The following TYRP1 variants were observed in gnomAD, a reference collection of about 807,000 sequenced individuals.
TYRP1 encodes 5,6-dihydroxyindole-2-carboxylic acid oxidase.
Under a neutral mutation model 42.8 loss-of-function variants are expected in TYRP1, and 49 were observed. The observed-to-expected ratio is 1.14, with a 90% CI of 0.91 to 1.45. The LOEUF is 1.45. TYRP1 is among the 40% of genes most tolerant of loss of function. TYRP1 has a pLI of 0.00. For missense variants in TYRP1, 848 were observed against 662.0 expected (o/e 1.28, Z -3.08); for synonymous variants, 279 against 235.4 (o/e 1.19, Z -1.69).
At chr9:12,704,106 G>A (rs113318154) in intron 5 of TYRP1, among the ~76,000 whole-genome samples, 11 of 152,064 alleles carry the variant, frequency 7.2e-5, no homozygotes, top group Admixed American at 2.6e-4. Context: ...TAAGGTAGGA[G>A]GCTGAAGTAA....
intron 6 of TYRP1, among the ~76,000 whole-genome samples, chr9:12,705,064 T>C (rs890022965): frequency 1.3e-5 from 2 of 152,038 alleles, no homozygotes. Context: ...CTTATAGAGC[T>C]CTTCTTTGAT....
intron 6 of TYRP1, 58 bp downstream of exon 6, chr9:12,704,763 T>G (rs528913996): frequency 1.8e-5 from 27 of 1,532,688 alleles, no homozygotes; most frequent in Middle Eastern, 1.7e-4. Context: ...TTAGATGGCA[T>G]AGTTATCAGT....
intron 5 of TYRP1, 126 bp from the exon 6 acceptor site, chr9:12,704,400 A>C (rs995710454): frequency 3.5e-5 from 33 of 948,744 alleles, no homozygotes; most frequent in Non-Finnish European, 5.0e-5. Flanking sequence ...CAGTGCTGTT[A>C]TATTAAGGCA....
At chr9:12,698,386 G>A (rs1818110844) in intron 3 of TYRP1, 65 bp from the exon 4 acceptor site, 9 of 1,480,170 alleles carry the variant, frequency 6.1e-6, no homozygotes, top group Non-Finnish European at 8.5e-6. Context: ...TCAGAGAGTA[G>A]ACCAAACAGA....
At chr9:12,694,655 T>C (rs1383938028) in intron 2 of TYRP1, among the ~76,000 whole-genome samples, 1 of 152,210 alleles carries the variant, frequency 6.6e-6, no homozygotes, top group Non-Finnish European at 1.5e-5. Context: ...TTATGACTAG[T>C]CAATTCAGTA....
rs1818047269 is a variant in TYRP1 at position 12,694,584 on chromosome 9, C to T, written c.385+203C>T. 1.1e-5 allele frequency: 7 copies of T among 640,520 alleles called. No individual in the cohort carries two copies. In the Admixed American group the frequency reaches 2.0e-4, roughly 19 times the overall value. 39.7% of individuals were successfully genotyped at this position (640,520 alleles called of 1,614,324 possible). A position where few individuals can be genotyped will look rare whatever the true frequency, so the allele number is the denominator to read the frequency against. On this transcript the variant is annotated intron_variant, in intron 2 of 7. Coordinates refer to ENST00000388918, the MANE Select transcript of TYRP1 (RefSeq NM_000550.3). ...GGAGTTGAAGCTCAGAACTTCTGAT[C>T]AATATTTTATTCTGAAACATTTATT...
intron 4 of TYRP1, among the ~76,000 whole-genome samples, chr9:12,698,898 A>G (rs1168844721): frequency 2.6e-5 from 4 of 152,136 alleles, no homozygotes; most frequent in Admixed American, 2.0e-4. Context: ...AGTTTGGTCA[A>G]TATCTTGCTA....
intron 2 of TYRP1, 72 bp from the exon 3 acceptor site, chr9:12,695,443 G>A (rs1409222731): frequency 9.6e-5 from 134 of 1,390,384 alleles, no homozygotes; most frequent in Non-Finnish European, 1.3e-4. Flanking sequence ...TGTGTTACAA[G>A]ATGATTATGC....
chr9:12,695,935 T>TC, intron 3 of TYRP1, 98 bp downstream of exon 3: 2 of 1,379,446 alleles, frequency 1.4e-6, no homozygotes, highest in Non-Finnish European at 2.0e-6. Context: ...ATCAGAACAT[T>TC]TGATGAAAAA....
chr9:12,709,460 G>A lies in TYRP1; in HGVS notation c.*278G>A. On this transcript the variant is annotated 3_prime_UTR_variant, in exon 8 of 8. Transcript: ENST00000388918. ...AGATCTTTGGCATGATTTAAAGGTTGAGTATGTGAAGATATAAGTAAGTGA... is the reference window on the plus strand; with the variant it reads ...AGATCTTTGGCATGATTTAAAGGTTAAGTATGTGAAGATATAAGTAAGTGA... 2 of 369,124 alleles carry A rather than the reference G, an allele frequency of 5.4e-6. No individual in the cohort carries two copies. Among genetic ancestry groups the A allele is most frequent in the South Asian group, 2.4e-5 (1 of 41,342 alleles). The allele number at this position is 369,124 out of a possible 1,614,324, so 22.9% of individuals were successfully genotyped here. A position where few individuals can be genotyped will look rare whatever the true frequency, so the allele number is the denominator to read the frequency against.
intron 5 of TYRP1, among the ~76,000 whole-genome samples, chr9:12,702,648 GCC>G (rs1484554204): frequency 8.4e-4 from 128 of 152,116 alleles, no homozygotes; most frequent in African/African-American, 2.8e-3. Flanking sequence ...TATAGGTGAA[GCC>G]CTTGGAAATC....
chr9:12,693,549 A>G lies in TYRP1; in HGVS notation c.-86+71A>G, dbSNP rs557902110. ...ACTCCATTAGTGTAAGGGACTTTAAATCACAGAAATTAACTTGCTGGAAAT... is the reference window on the plus strand; with the variant it reads ...ACTCCATTAGTGTAAGGGACTTTAAGTCACAGAAATTAACTTGCTGGAAAT... On this transcript the variant is annotated intron_variant, in intron 1 of 7. Coordinates refer to ENST00000388918, the MANE Select transcript of TYRP1 (RefSeq NM_000550.3). The G allele has an allele frequency of 8.0e-5, 15 of 186,456 alleles. No individual in the cohort carries two copies. The South Asian group carries it at 1.1e-3, about 14-fold the overall frequency. The allele number at this position is 186,456 out of a possible 1,614,324, so 11.6% of individuals were successfully genotyped here. A position where few individuals can be genotyped will look rare whatever the true frequency, so the allele number is the denominator to read the frequency against.
intron 6 of TYRP1, among the ~76,000 whole-genome samples, chr9:12,707,329 G>A (rs893571724): frequency 6.6e-6 from 1 of 151,842 alleles, no homozygotes; most frequent in Non-Finnish European, 1.5e-5. Context: ...AGTATTCAAG[G>A]TACCAGAAAT....
In TYRP1 at chr9:12,709,404, C is replaced by T. The variant is rs1334121501; in HGVS notation, c.*222C>T. The stretch of plus-strand genomic sequence containing the variant: ...GTTCTATTTAAAATGGTGAATGACA[C>T]TAAACTCCATGATATTTAAGGATAG... On this transcript the variant is annotated 3_prime_UTR_variant, in exon 8 of 8. Transcript: ENST00000388918. 1.8e-6 allele frequency: 1 copy of T among 553,240 alleles called. No individual in the cohort carries two copies. The highest frequency in any genetic ancestry group is 1.9e-5 in the African/African-American group (1 of 52,754). 34.3% of individuals were successfully genotyped at this position (553,240 alleles called of 1,614,324 possible).
In TYRP1 at chr9:12,693,926, A is replaced by C; in HGVS notation, c.-71A>C. On this transcript the variant is annotated 5_prime_UTR_variant, in exon 2 of 8. Transcript: ENST00000388918. ...CTCTTTTTCAGCTGGATTTTCCTCT[A>C]CGTGCTTCAGTCTTCTCTACACAAA... The C allele has an allele frequency of 1.9e-6, 3 of 1,596,122 alleles. No individual in the cohort carries two copies. Among genetic ancestry groups the C allele is most frequent in the Non-Finnish European group, 2.6e-6 (3 of 1,170,428 alleles).
At chr9:12,698,319 C>G in intron 3 of TYRP1, 132 bp from the exon 4 acceptor site, 1 of 875,592 alleles carries the variant, frequency 1.1e-6, no homozygotes, top group South Asian at 1.4e-5. Flanking sequence ...CCCTCAGACA[C>G]CGTTGATATA....
At position 12,702,351 on chromosome 9, in the gene TYRP1, G is replaced by T; in HGVS notation, c.994G>T (p.Asp332Tyr). 6.2e-7 allele frequency: 1 copy of T among 1,613,164 alleles called. No individual in the cohort carries two copies. Among genetic ancestry groups the T allele is most frequent in the Non-Finnish European group, 8.5e-7 (1 of 1,179,514 alleles). Residue 332 changes from aspartate to tyrosine, a missense_variant, in exon 5 of 8, where the codon GAT becomes TAT. Transcript: ENST00000388918. Reference protein sequence around the residue: ...PMVQRLPEPQDVAQCLEVGLF... With the variant: ...PMVQRLPEPQYVAQCLEVGLF... Reference sequence around the variant, plus strand: ...GGTGCAACGTCTTCCTGAACCACAGGATGTCGCTCAGTGCTTGGAAGTTGG... The same window carrying T: ...GGTGCAACGTCTTCCTGAACCACAGTATGTCGCTCAGTGCTTGGAAGTTGG...
Position 12,709,151 on chromosome 9 carries a change from A to AACTC in TYRP1, c.1584_1587dup (p.Gln530ThrfsTer5), listed in dbSNP as rs1818313529. On this transcript the variant is annotated frameshift_variant, in exon 8 of 8. Coordinates refer to ENST00000388918, the MANE Select transcript of TYRP1 (RefSeq NM_000550.3). LOFTEE classifies it high-confidence loss of function. ...CAATGCTATGCTGAAGAATATGAAAAACTCCAGAATCCTAATCAGTCTGTG... is the reference window on the plus strand; with the variant it reads ...CAATGCTATGCTGAAGAATATGAAAAACTCACTCCAGAATCCTAATCAGTCTGTG... 1.9e-6 allele frequency: 3 copies of AACTC among 1,612,366 alleles called. No homozygotes were observed.
rs114346011 is a variant in TYRP1, at chr9:12,699,749, G to A, written c.913+1094G>A. On this transcript the variant is annotated intron_variant, in intron 4 of 7. Coordinates refer to ENST00000388918, the MANE Select transcript of TYRP1 (RefSeq NM_000550.3). The stretch of plus-strand genomic sequence containing the variant: ...CCTTGTGGCAGAGAACTGAAATTGA[G>A]GATCAGGATGTCTGCAGATGCCAAA... Among the ~76,000 whole-genome samples, 839 of 152,120 alleles carry A rather than the reference G, an allele frequency of 5.5e-3. 9 individuals are homozygous for A. Among genetic ancestry groups the A allele is most frequent in the African/African-American group, 0.019 (792 of 41,536 alleles).
Sources: allele counts gnomAD v4.1 joint callset (sites outside exome capture counted in the v4.1 genomes callset), GRCh38; gene constraint gnomAD v4.1.1; transcripts MANE v1.5; gene names NCBI Gene and HGNC (gene_info 2026-07-23, HGNC 2026-07-21).